Variants in OR51B5 observed in about 807,000 individuals in gnomAD.
OR51B5 encodes the protein olfactory receptor family 51 subfamily B member 5.
For missense variants in OR51B5, 456 were observed against 374.6 expected (o/e 1.22, Z -1.79); for synonymous variants, 186 against 144.8 (o/e 1.28, Z -2.04).
intron 1 of OR51B5, among the ~76,000 whole-genome samples, chr11:5,400,776 G>A: frequency 6.6e-6 from 1 of 152,158 alleles, no homozygotes; most frequent in East Asian, 1.9e-4. Flanking sequence ...GTGTTGCCTT[G>A]GTCCTGCAAG....
intron 1 of OR51B5, among the ~76,000 whole-genome samples, chr11:5,479,570 T>C (rs1851381334): frequency 6.6e-6 from 1 of 151,344 alleles, no homozygotes; most frequent in South Asian, 2.1e-4. Flanking sequence ...GACTGGCAAA[T>C]TGGATAAAGA....
At chr11:5,435,052 G>A (rs1348740444) in intron 1 of OR51B5, among the ~76,000 whole-genome samples, 1 of 152,142 alleles carries the variant, frequency 6.6e-6, no homozygotes, top group Non-Finnish European at 1.5e-5. Flanking sequence ...CAGGGGTTAA[G>A]TCACCTTTGA....
chr11:5,441,702 G>A (rs566376388), intron 1 of OR51B5, among the ~76,000 whole-genome samples: 1 of 152,116 alleles, frequency 6.6e-6, no homozygotes, highest in Non-Finnish European at 1.5e-5. Context: ...TGTACCACCA[G>A]GGCCCTGCTC....
rs577991523 is a variant in OR51B5 at position 5,501,798 on chromosome 11, G to C, written n.84+3771C>G. On this transcript the variant is annotated intron_variant and non_coding_transcript_variant, in intron 1 of 4. Coordinates refer to the OR51B5 transcript ENST00000415970. ...GTTTATTATTATACTTTAAGTTCTA[G>C]GGTACATGTGCACAACGTGCAGGTT... is the stretch of plus-strand genomic sequence containing the variant. Among the ~76,000 whole-genome samples, 26 of 148,126 alleles carry C rather than the reference G, an allele frequency of 1.8e-4. 3 individuals carry two copies. Among genetic ancestry groups the C allele is most frequent in the Non-Finnish European group, 3.5e-4 (23 of 66,146 alleles).
chr11:5,374,552 C>T (rs755951508), intron 1 of OR51B5, among the ~76,000 whole-genome samples: 4 of 151,952 alleles, frequency 2.6e-5, no homozygotes, highest in African/African-American at 9.7e-5. Context: ...GGAGGAAATT[C>T]AAACCAAAGG....
intron 1 of OR51B5, among the ~76,000 whole-genome samples, chr11:5,367,006 C>A (rs1849379604): frequency 6.6e-6 from 1 of 152,074 alleles, no homozygotes; most frequent in Non-Finnish European, 1.5e-5. Context: ...AATGCTTCCA[C>A]CTCCCGCTGC....
intron 1 of OR51B5, among the ~76,000 whole-genome samples, chr11:5,435,131 A>C (rs1222163058): frequency 2.0e-5 from 3 of 152,226 alleles, no homozygotes; most frequent in African/African-American, 7.2e-5. Context: ...AATCTGAATC[A>C]AGAGTCCAAT....
intron 1 of OR51B5, among the ~76,000 whole-genome samples, chr11:5,505,044 G>C (rs1409602809): frequency 1.3e-5 from 2 of 152,190 alleles, no homozygotes; most frequent in Non-Finnish European, 2.9e-5. Flanking sequence ...AACTTCAAAG[G>C]AGCCTCAGGT....
chr11:5,459,482 C>T (rs1351902721), intron 1 of OR51B5, among the ~76,000 whole-genome samples: 1 of 146,584 alleles, frequency 6.8e-6, no homozygotes, highest in Non-Finnish European at 1.5e-5. Context: ...CATAGAATGA[C>T]TTTTGTCAGA....
intron 1 of OR51B5, among the ~76,000 whole-genome samples, chr11:5,470,514 G>A (rs1851212451): frequency 1.3e-5 from 2 of 151,878 alleles, no homozygotes; most frequent in East Asian, 3.8e-4. Flanking sequence ...TATGTCTGCT[G>A]CCCAGGCTTC....
At chr11:5,342,703 C>T (rs571085173) in exon 1 of OR51B5, 1 of 1,613,822 alleles carries the variant, frequency 6.2e-7, no homozygotes, top group East Asian at 2.2e-5. Context: ...AGGCATAGCT[C>T]ATAATGAGGT....
intron 1 of OR51B5, among the ~76,000 whole-genome samples, chr11:5,495,190 A>G (rs1590029478): frequency 6.6e-6 from 1 of 152,290 alleles, no homozygotes; most frequent in South Asian, 2.1e-4. Context: ...TCACCACTAG[A>G]CCAGCCATAC....
intron 1 of OR51B5, among the ~76,000 whole-genome samples, chr11:5,471,576 C>T (rs1341076640): frequency 1.3e-5 from 2 of 148,554 alleles, no homozygotes; most frequent in Non-Finnish European, 3.0e-5. Context: ...GTGGAGGTTG[C>T]AGTGAGCTGA....
At chr11:5,419,592 G>A (rs188702551) in intron 1 of OR51B5, among the ~76,000 whole-genome samples, 26 of 152,242 alleles carry the variant, frequency 1.7e-4, no homozygotes, top group Admixed American at 1.2e-3. Flanking sequence ...GCATAAAGGA[G>A]TATGTGCATA....
intron 1 of OR51B5, among the ~76,000 whole-genome samples, chr11:5,384,162 TTTG>T (rs924698200): frequency 1.4e-4 from 21 of 152,136 alleles, no homozygotes; most frequent in Non-Finnish European, 2.9e-4. Flanking sequence ...TTTGTTTTCT[TTTG>T]TTGTTGTTTC....
intron 1 of OR51B5, among the ~76,000 whole-genome samples, chr11:5,382,417 A>G (rs1849622356): frequency 6.6e-6 from 1 of 152,114 alleles, no homozygotes; most frequent in East Asian, 1.9e-4. Flanking sequence ...TATAATTGCC[A>G]TGTCCATCTC....
rs1850053404 is a variant in OR51B5 at position 5,406,001 on chromosome 11, GA to G, written n.85-59092del. Among the ~76,000 whole-genome samples the G allele has an allele frequency of 2.0e-5, 3 of 152,296 alleles. No individual in the cohort carries two copies. The South Asian group carries it at 6.2e-4, about 32-fold the overall frequency. ...CAGTGATTATTTCCTGAGATGAGAAGAGAAGAAACATCTGAGTAACATTAGA... is the reference window on the plus strand; with the variant it reads ...CAGTGATTATTTCCTGAGATGAGAAGGAAGAAACATCTGAGTAACATTAGA... On this transcript the variant is annotated intron_variant and non_coding_transcript_variant, in intron 1 of 4. Transcript: ENST00000415970.
intron 1 of OR51B5, among the ~76,000 whole-genome samples, chr11:5,387,170 T>G (rs890575461): frequency 5.9e-5 from 9 of 151,722 alleles, no homozygotes; most frequent in Non-Finnish European, 1.3e-4. Flanking sequence ...AATAAGAGAG[T>G]GCATAGAAGC....
intron 1 of OR51B5, among the ~76,000 whole-genome samples, chr11:5,417,299 C>T (rs1464457170): frequency 6.0e-5 from 9 of 150,010 alleles, no homozygotes; most frequent in South Asian, 2.1e-4. Flanking sequence ...AAGACTTAAA[C>T]GTTAGACCTA....
Sources: allele counts gnomAD v4.1 joint callset (sites outside exome capture counted in the v4.1 genomes callset), GRCh38; gene constraint gnomAD v4.1.1; transcripts MANE v1.5; gene names NCBI Gene and HGNC (gene_info 2026-07-23, HGNC 2026-07-21).